The following TLCD3B variants were observed in gnomAD, a reference collection of about 807,000 sequenced individuals.
TLCD3B encodes ceramide synthase.
Under a neutral mutation model 23.0 loss-of-function variants are expected in TLCD3B, and 9 were observed. That is an observed-to-expected ratio of 0.39 (90% CI 0.24 to 0.68). The LOEUF is 0.68. Among genes scored for constraint, TLCD3B ranks in the 30% least tolerant of loss-of-function variants. The pLI is 0.44. For missense variants in TLCD3B, 307 were observed against 371.8 expected (o/e 0.83, Z 1.43); for synonymous variants, 161 against 161.0 (o/e 1.00, Z 0.00).
chr16:30,043,201 T>G (rs2071604537), intron 2 of TLCD3B, among the ~76,000 whole-genome samples: 1 of 152,172 alleles, frequency 6.6e-6, no homozygotes, highest in African/African-American at 2.4e-5. Context: ...ACAATAATCT[T>G]AAGACAGACA....
At chr16:30,049,536 A>G (rs1230698630) in intron 1 of TLCD3B, among the ~76,000 whole-genome samples, 1 of 152,186 alleles carries the variant, frequency 6.6e-6, no homozygotes, top group Non-Finnish European at 1.5e-5. Flanking sequence ...TGACATCTCC[A>G]GCTTCCAACT....
Position 30,025,163 on chromosome 16 carries a change from G to T in TLCD3B, c.*20C>A, listed in dbSNP as rs1268721038. On this transcript the variant is annotated 3_prime_UTR_variant, in exon 5 of 5. Transcript: ENST00000380495. This position sits in a 1 kb window ranked among gnomAD's most constrained non-coding sequence, Gnocchi z 4.1. The stretch of plus-strand genomic sequence containing the variant: ...CCACGGGGGTGGGGGTGGGGAGGGG[G>T]AGGGTCCCGGCCCCCGGCCTCAGTC... 27 of 1,407,240 alleles carry T rather than the reference G, an allele frequency of 1.9e-5. No homozygotes were observed. In the South Asian group the frequency reaches 2.6e-4, roughly 13 times the overall value. The allele number at this position is 1,407,240 out of a possible 1,614,324, so 87.2% of individuals were successfully genotyped here.
chr16:30,049,600 G>A (rs1441704265), intron 1 of TLCD3B, among the ~76,000 whole-genome samples: 3 of 152,094 alleles, frequency 2.0e-5, no homozygotes, highest in Non-Finnish European at 2.9e-5. Flanking sequence ...GTTTTTCTCT[G>A]CCCCCAGCAA....
intron 2 of TLCD3B, among the ~76,000 whole-genome samples, chr16:30,027,372 ATCAT>A (rs2071194436): frequency 1.3e-5 from 2 of 152,196 alleles, no homozygotes; most frequent in African/African-American, 2.4e-5. Flanking sequence ...AGGTGTGGCC[ATCAT>A]CCCCACTGTA....
At chr16:30,050,887 TC>T (rs2071738943) in intron 1 of TLCD3B, among the ~76,000 whole-genome samples, 1 of 152,160 alleles carries the variant, frequency 6.6e-6, no homozygotes, top group South Asian at 2.1e-4. Context: ...ATGCCAGGAT[TC>T]AGCCATCGTT....
intron 1 of TLCD3B, among the ~76,000 whole-genome samples, chr16:30,052,335 T>C (rs977203932): frequency 1.3e-5 from 2 of 151,470 alleles, no homozygotes; most frequent in African/African-American, 4.9e-5. Context: ...ACCATTGCAC[T>C]CCAGCCTGGG....
At chr16:30,051,248 A>T (rs1255752166) in intron 1 of TLCD3B, among the ~76,000 whole-genome samples, 2 of 151,872 alleles carry the variant, frequency 1.3e-5, no homozygotes, top group African/African-American at 4.8e-5. Flanking sequence ...AAAAGAAAAA[A>T]ACAGGCCAGG....
At position 30,029,974 on chromosome 16, in the gene TLCD3B, C is replaced by T. The variant is rs1245338743; in HGVS notation, c.125+429G>A. On this transcript the variant is annotated intron_variant, in intron 1 of 4. Transcript: ENST00000380495. This position sits in a 1 kb window ranked among gnomAD's most constrained non-coding sequence, Gnocchi z 4.6. ...CTTTCCCACTGTCTCCTGACTGCCA[C>T]CAGCCTCCACTCTGCACTCTGGCCC... The T allele has an allele frequency of 7.9e-7, 1 of 1,261,808 alleles. No homozygotes were observed. Among genetic ancestry groups the T allele is most frequent in the Non-Finnish European group, 1.1e-6 (1 of 947,686 alleles). 78.2% of individuals were successfully genotyped at this position (1,261,808 alleles called of 1,614,324 possible).
chr16:30,035,445 A>C (rs758085659), upstream of TLCD3B: 15 of 1,289,474 alleles, frequency 1.2e-5, 1 homozygote, highest in South Asian at 1.9e-4. Context: ...AACGGGAAGA[A>C]GACGCAACCC....
At chr16:30,026,905 C>G in intron 2 of TLCD3B, 62 bp from the exon 3 acceptor site, 1 of 1,424,590 alleles carries the variant, frequency 7.0e-7, no homozygotes, top group African/African-American at 1.4e-5. Flanking sequence ...TGATTGGGGT[C>G]AGATCTCAGG....
intron 1 of TLCD3B, among the ~76,000 whole-genome samples, chr16:30,048,877 TCTC>T (rs2150999976): frequency 6.6e-6 from 1 of 152,180 alleles, no homozygotes; most frequent in Admixed American, 6.5e-5. Flanking sequence ...TTCCAGCAAT[TCTC>T]CTGTCTCAGC....
exon 3 of TLCD3B, chr16:30,041,151 G>C (rs1777200749): frequency 6.6e-6 from 1 of 152,180 alleles, no homozygotes; most frequent in African/African-American, 2.4e-5. Flanking sequence ...GGCTGCACAG[G>C]CTTGTCTGAG....
Position 30,026,648 on chromosome 16 carries a change from G to A in TLCD3B, c.405C>T (p.His135=), listed in dbSNP as rs2071152280. ...AGCACACCAGCACCATGGCGGCATG[G>A]TGGAGCACCATGAGGAACTCCTTGT... is the stretch of plus-strand genomic sequence containing the variant. ...YLHKEFLMVL[H]HAAMVLVCFP... is the part of the protein sequence containing the mutation. Residue 135 remains histidine, a synonymous_variant, in exon 3 of 5, where the codon CAC becomes CAT. Coordinates refer to ENST00000380495, the MANE Select transcript of TLCD3B (RefSeq NM_031478.6). The A allele has an allele frequency of 1.2e-6, 2 of 1,613,842 alleles. No individual in the cohort carries two copies. Among genetic ancestry groups the A allele is most frequent in the Non-Finnish European group, 1.7e-6 (2 of 1,180,004 alleles).
At chr16:30,035,344 C>T (rs1263852613), upstream of TLCD3B, 3 of 1,289,574 alleles carry the variant, frequency 2.3e-6, no homozygotes, top group Non-Finnish European at 3.0e-6. Flanking sequence ...CACCCTGGTC[C>T]TCTTACTTGG....
intron 3 of TLCD3B, 102 bp downstream of exon 3, chr16:30,026,507 T>A: frequency 3.0e-6 from 3 of 988,784 alleles, no homozygotes; most frequent in Non-Finnish European, 4.6e-6. Flanking sequence ...GTCTGCTTGG[T>A]TGTCAGTACG....
chr16:30,035,498 A>C (rs1414626758), upstream of TLCD3B: 6 of 1,289,488 alleles, frequency 4.7e-6, no homozygotes, highest in Non-Finnish European at 4.0e-6. Flanking sequence ...CCAAGAAGGC[A>C]GAAAAAGACG....
chr16:30,031,630 C>G (rs1298866432), upstream of TLCD3B, among the ~76,000 whole-genome samples: 1 of 152,206 alleles, frequency 6.6e-6, no homozygotes, highest in Non-Finnish European at 1.5e-5. Flanking sequence ...GAAGGAAGAG[C>G]TGAAGGAGGG....
At chr16:30,050,341 A>C (rs2071731460) in intron 1 of TLCD3B, among the ~76,000 whole-genome samples, 1 of 152,076 alleles carries the variant, frequency 6.6e-6, no homozygotes, top group African/African-American at 2.4e-5. Flanking sequence ...GAGTTCAAAA[A>C]CAGCCTGAGC....
intron 3 of TLCD3B, among the ~76,000 whole-genome samples, chr16:30,037,041 C>T (rs1409972869): frequency 6.6e-6 from 1 of 151,246 alleles, no homozygotes; most frequent in Admixed American, 6.6e-5. Flanking sequence ...GCCGAGATCT[C>T]GCCACTGCAC....
Sources: allele counts gnomAD v4.1 joint callset (sites outside exome capture counted in the v4.1 genomes callset), GRCh38; gene constraint gnomAD v4.1.1; non-coding constraint Gnocchi (gnomAD v3.1); transcripts MANE v1.5; gene names NCBI Gene and HGNC (gene_info 2026-07-23, HGNC 2026-07-21).